SPDYA: variants seen among roughly 807,000 people sequenced by gnomAD.
SPDYA encodes the protein speedy protein A.
In SPDYA, 11 loss-of-function variants were observed where a neutral mutation model predicts 36.7. The ratio of observed to expected loss-of-function variants is 0.30; its 90% confidence interval spans 0.19 to 0.50. The LOEUF (loss-of-function observed/expected upper bound fraction) is 0.50, where lower values mean the gene tolerates loss of function less well. SPDYA is among the 20% of genes least tolerant of loss of function. SPDYA has a pLI of 0.98. For missense variants in SPDYA, 287 were observed against 370.9 expected (o/e 0.77, Z 1.86); for synonymous variants, 115 against 118.7 (o/e 0.97, Z 0.20).
Position 28,850,053 on chromosome 2 carries a change from AGTT to A in SPDYA, c.*116_*118del, listed in dbSNP as rs1050417293. The A allele has an allele frequency of 2.8e-5, 32 of 1,158,542 alleles. No individual in the cohort carries two copies. The highest frequency in any genetic ancestry group is 4.8e-5 in the Admixed American group (2 of 41,522). The allele number at this position is 1,158,542 out of a possible 1,614,324, so 71.8% of individuals were successfully genotyped here. A position where few individuals can be genotyped will look rare whatever the true frequency, so the allele number is the denominator to read the frequency against. Reference sequence around the variant, plus strand: ...AGTTTTGCTATGTTATACATCTTTTAGTTGTTATTTTCAAAATTATATGTATAA... The same window carrying A: ...AGTTTTGCTATGTTATACATCTTTTAGTTATTTTCAAAATTATATGTATAA... On this transcript the variant is annotated 3_prime_UTR_variant, in exon 8 of 8. Coordinates refer to ENST00000334056, the MANE Select transcript of SPDYA (RefSeq NM_182756.4).
At chr2:28,843,315 A>AAG (rs1342487996) in intron 7 of SPDYA, among the ~76,000 whole-genome samples, 2 of 152,114 alleles carry the variant, frequency 1.3e-5, no homozygotes, top group African/African-American at 4.8e-5. Context: ...TTGGGAGGCC[A>AAG]AGAGGGGGCG....
intron 5 of SPDYA, among the ~76,000 whole-genome samples, chr2:28,823,473 A>G (rs1668222444): frequency 6.6e-6 from 1 of 150,972 alleles, no homozygotes; most frequent in Admixed American, 6.6e-5. Context: ...AAAATACACA[A>G]GTTAGCTGGG....
chr2:28,837,419 A>G (rs1420128836), intron 6 of SPDYA, among the ~76,000 whole-genome samples: 1 of 152,222 alleles, frequency 6.6e-6, no homozygotes, highest in African/African-American at 2.4e-5. Context: ...GGAATTTGGT[A>G]TATAGACATG....
At chr2:28,822,893 A>G (rs1044376911) in intron 5 of SPDYA, among the ~76,000 whole-genome samples, 1 of 152,228 alleles carries the variant, frequency 6.6e-6, no homozygotes, top group Non-Finnish European at 1.5e-5. Flanking sequence ...GGTGTGAGCC[A>G]CTGCGCCTGG....
chr2:28,819,168 T>A, intron 4 of SPDYA, 62 bp downstream of exon 4: 1 of 1,216,378 alleles, frequency 8.2e-7, no homozygotes, highest in Non-Finnish European at 1.2e-6. Context: ...CATTAGAGCT[T>A]TAATGAGACC....
intron 3 of SPDYA, among the ~76,000 whole-genome samples, chr2:28,817,960 A>G (rs1396395865): frequency 6.6e-6 from 1 of 151,360 alleles, no homozygotes; most frequent in Non-Finnish European, 1.5e-5. Flanking sequence ...CAAGAGTTCA[A>G]GACCAGCCTG....
intron 6 of SPDYA, among the ~76,000 whole-genome samples, chr2:28,833,433 T>C (rs1272058315): frequency 6.6e-6 from 1 of 152,200 alleles, no homozygotes; most frequent in Non-Finnish European, 1.5e-5. Flanking sequence ...GTTCCCCAAA[T>C]ATCAGTATGC....
rs201306548 is a variant in SPDYA, at chr2:28,850,045, C to T, written c.*104C>T. 2.6e-6 allele frequency: 3 copies of T among 1,171,482 alleles called. No homozygotes were observed. The highest frequency in any genetic ancestry group is 2.4e-5 in the East Asian group (1 of 41,434). 72.6% of individuals were successfully genotyped at this position (1,171,482 alleles called of 1,614,324 possible). The stretch of plus-strand genomic sequence containing the variant: ...GTTTAAGCAGTTTTGCTATGTTATA[C>T]ATCTTTTAGTTGTTATTTTCAAAAT... On this transcript the variant is annotated 3_prime_UTR_variant, in exon 8 of 8. Coordinates refer to ENST00000334056, the MANE Select transcript of SPDYA (RefSeq NM_182756.4).
intron 7 of SPDYA, among the ~76,000 whole-genome samples, chr2:28,847,924 T>C (rs1019228370): frequency 3.9e-5 from 6 of 152,168 alleles, no homozygotes; most frequent in African/African-American, 1.4e-4. Context: ...GAATGGTAGT[T>C]AGTACAGTAA....
In SPDYA at chr2:28,849,843, AT is replaced by A. The variant is rs1358850235; in HGVS notation, c.851-4del. 5 of 1,480,400 alleles carry A rather than the reference AT, an allele frequency of 3.4e-6. No individual in the cohort carries two copies. In the Middle Eastern group the frequency reaches 6.9e-4, roughly 206 times the overall value. 91.7% of individuals were successfully genotyped at this position (1,480,400 alleles called of 1,614,324 possible). A position where few individuals can be genotyped will look rare whatever the true frequency, so the allele number is the denominator to read the frequency against. The stretch of plus-strand genomic sequence containing the variant: ...AAATTTATCTTAAAATGCATATTTT[AT>A]TTCAGTAGTCAATGACCATCAATCA... On this transcript the variant is annotated splice_polypyrimidine_tract_variant and splice_region_variant and intron_variant, in intron 7 of 7. Transcript: ENST00000334056.
At chr2:28,812,343 A>G (rs1667867152) in intron 1 of SPDYA, among the ~76,000 whole-genome samples, 1 of 152,098 alleles carries the variant, frequency 6.6e-6, no homozygotes, top group Non-Finnish European at 1.5e-5. Context: ...ATATAGGCAA[A>G]TGAATCCCCA....
intron 3 of SPDYA, among the ~76,000 whole-genome samples, chr2:28,818,155 G>T (rs541577596): frequency 1.3e-5 from 2 of 152,172 alleles, no homozygotes; most frequent in South Asian, 2.1e-4. Context: ...GACAAAGTGA[G>T]ACCCTGTTTA....
chr2:28,817,038 G>A (rs945555086), intron 3 of SPDYA, among the ~76,000 whole-genome samples: 12 of 152,002 alleles, frequency 7.9e-5, no homozygotes, highest in Admixed American at 2.6e-4. Flanking sequence ...AGCTAGTTAC[G>A]ATTTAAAGAA....
Position 28,840,254 on chromosome 2 carries a change from G to C in SPDYA, c.635G>C (p.Arg212Thr), listed in dbSNP as rs765019278. 1.2e-6 allele frequency: 2 copies of C among 1,613,984 alleles called. No homozygotes were observed. The highest frequency in any genetic ancestry group is 1.1e-5 in the South Asian group (1 of 90,994). The change falls in exon 7 of 8, where the codon AGA becomes ACA. Residue 212 changes from arginine (R) to threonine (T), a missense_variant. Physicochemically the swap from Arg to Thr is moderately conservative, Grantham distance 71. Transcript: ENST00000334056. ...HHSGAVRNYN[R>T]DEVQLPRGPS... is the part of the protein sequence containing the mutation. ...AGTGGAGCTGTCAGAAACTACAACA[G>C]AGATGAAGTTCAGCTGCCCCGGGGA...
chr2:28,831,321 G>A (rs1668475206), intron 6 of SPDYA, among the ~76,000 whole-genome samples: 1 of 152,126 alleles, frequency 6.6e-6, no homozygotes, highest in Non-Finnish European at 1.5e-5. Flanking sequence ...TTATGCCACT[G>A]CCCTCCAGCC....
intron 7 of SPDYA, among the ~76,000 whole-genome samples, chr2:28,840,986 G>A (rs1372455340): frequency 7.0e-6 from 1 of 142,996 alleles, no homozygotes; most frequent in Non-Finnish European, 1.5e-5. Context: ...CCAGGCTGGA[G>A]TGCAGTGGGA....
At position 28,815,970 on chromosome 2, in the gene SPDYA, G is replaced by T. The variant is rs756939193; in HGVS notation, c.-18-27G>T. On this transcript the variant is annotated intron_variant, in intron 2 of 7. Coordinates refer to ENST00000334056, the MANE Select transcript of SPDYA (RefSeq NM_182756.4). ...TATATATGAAATGAATGTGTGTGAT[G>T]AATAATTGTATGTTTTATTTTTACA... The T allele has an allele frequency of 1.4e-5, 20 of 1,443,732 alleles. No homozygotes were observed. The East Asian group carries it at 4.3e-4, about 31-fold the overall frequency. 89.4% of individuals were successfully genotyped at this position (1,443,732 alleles called of 1,614,324 possible).
At chr2:28,821,130 A>G (rs1053177411) in intron 4 of SPDYA, among the ~76,000 whole-genome samples, 1 of 152,100 alleles carries the variant, frequency 6.6e-6, no homozygotes, top group East Asian at 1.9e-4. Context: ...TAAAATTAAC[A>G]GTAATGCTGT....
intron 1 of SPDYA, among the ~76,000 whole-genome samples, chr2:28,813,553 A>G (rs1667904885): frequency 7.1e-6 from 1 of 141,642 alleles, no homozygotes; most frequent in Non-Finnish European, 1.6e-5. Flanking sequence ...TTCTATCTAG[A>G]TTTTTTTTTT....
Sources: gnomAD v4.1 joint callset for allele counts (sites outside exome capture counted in the v4.1 genomes callset) on GRCh38, gnomAD v4.1.1 for gene constraint, MANE v1.5 for transcripts, NCBI Gene and HGNC (gene_info 2026-07-23, HGNC 2026-07-21) for gene names.